Variants in DNAJC11 observed in about 807,000 individuals in gnomAD.
The protein encoded by DNAJC11 is DnaJ heat shock protein family (Hsp40) member C11.
DNAJC11 carries 15 observed loss-of-function variants against 78.6 expected under a neutral mutation model. The ratio of observed to expected loss-of-function variants is 0.19; its 90% confidence interval spans 0.13 to 0.29. The LOEUF is 0.29. Among genes scored for constraint, DNAJC11 ranks in the 10% least tolerant of loss-of-function variants. The pLI, the probability that DNAJC11 is intolerant of heterozygous loss-of-function variation, is 1.00. For synonymous variants in DNAJC11, 292 were observed against 272.1 expected (o/e 1.07, Z -0.72); for missense variants, 547 against 709.6 (o/e 0.77, Z 2.60).
chr1:6,667,610 T>C, intron 4 of DNAJC11, 99 bp downstream of exon 4: 3 of 989,866 alleles, frequency 3.0e-6, no homozygotes, highest in South Asian at 2.9e-5. Context: ...TGTATGTTTT[T>C]ACTTTAACAA....
chr1:6,636,075 C>T (rs1178783784), intron 15 of DNAJC11, 42 bp downstream of exon 15: 1 of 1,589,498 alleles, frequency 6.3e-7, no homozygotes. Context: ...TTCGAGGTCC[C>T]CGCCCCCGTT....
intron 4 of DNAJC11, among the ~76,000 whole-genome samples, chr1:6,663,961 T>C (rs1642256856): frequency 6.6e-6 from 1 of 152,210 alleles, no homozygotes; most frequent in Non-Finnish European, 1.5e-5. Context: ...CGCAGGGCCC[T>C]GGACACCAAG....
At chr1:6,652,696 G>T (rs1372147500) in intron 6 of DNAJC11, 133 bp downstream of exon 6, 29 of 1,225,134 alleles carry the variant, frequency 2.4e-5, no homozygotes, top group Non-Finnish European at 3.2e-5. Context: ...ACTTATGGAA[G>T]CTTGACACTT....
At position 6,638,397 on chromosome 1, in the gene DNAJC11, C is replaced by T. The variant is rs374928580; in HGVS notation, c.1254-33G>A. 62 of 1,600,300 alleles carry T rather than the reference C, an allele frequency of 3.9e-5. 2 individuals carry two copies. The highest frequency in any genetic ancestry group is 3.7e-4 in the Middle Eastern group (2 of 5,470). Reference sequence around the variant, plus strand: ...GAGAGGAACACAAGCCCCACGTTAGCGCGGCGCTGCCCAGCTTCCAGCCAA... The same window carrying T: ...GAGAGGAACACAAGCCCCACGTTAGTGCGGCGCTGCCCAGCTTCCAGCCAA... On this transcript the variant is annotated intron_variant, in intron 11 of 15. Coordinates refer to ENST00000377577, the MANE Select transcript of DNAJC11 (RefSeq NM_018198.4).
intron 3 of DNAJC11, among the ~76,000 whole-genome samples, chr1:6,670,124 T>G (rs187344405): frequency 6.6e-6 from 1 of 152,010 alleles, no homozygotes; most frequent in Non-Finnish European, 1.5e-5. Flanking sequence ...TGGTTAATTT[T>G]TTTTTTGTAT....
intron 6 of DNAJC11, among the ~76,000 whole-genome samples, chr1:6,652,016 C>T (rs1642064170): frequency 6.6e-6 from 1 of 152,092 alleles, no homozygotes; most frequent in African/African-American, 2.4e-5. Context: ...CATTTTCATC[C>T]TGCGCCAAAT....
At chr1:6,652,574 G>T (rs1177902548) in intron 6 of DNAJC11, among the ~76,000 whole-genome samples, 1 of 152,102 alleles carries the variant, frequency 6.6e-6, no homozygotes, top group African/African-American at 2.4e-5. Context: ...CAAGTAGCTG[G>T]GATTACAGGC....
chr1:6,683,502 G>C (rs1246370711), intron 1 of DNAJC11, among the ~76,000 whole-genome samples: 1 of 152,178 alleles, frequency 6.6e-6, no homozygotes, highest in East Asian at 1.9e-4. Flanking sequence ...GCCCCTTTCT[G>C]TTTCATCACC....
intron 10 of DNAJC11, among the ~76,000 whole-genome samples, chr1:6,643,518 G>C (rs1000801862): frequency 7.2e-5 from 11 of 151,798 alleles, no homozygotes; most frequent in Non-Finnish European, 1.2e-4. Context: ...CTCGTGATCT[G>C]CCCGCCTTGG....
intron 3 of DNAJC11, among the ~76,000 whole-genome samples, chr1:6,673,377 G>T (rs1171316014): frequency 1.3e-5 from 2 of 151,764 alleles, no homozygotes; most frequent in Non-Finnish European, 2.9e-5. Context: ...ATGGAAGGAG[G>T]ACAGACAGGA....
intron 1 of DNAJC11, among the ~76,000 whole-genome samples, chr1:6,687,496 A>AC (rs984898670): frequency 1.3e-4 from 19 of 151,680 alleles, no homozygotes; most frequent in African/African-American, 4.4e-4. Flanking sequence ...AGTTGGGACT[A>AC]CAGGTGCCCG....
intron 3 of DNAJC11, among the ~76,000 whole-genome samples, chr1:6,668,868 G>A (rs543665199): frequency 3.2e-4 from 49 of 152,200 alleles, no homozygotes; most frequent in East Asian, 2.1e-3. Flanking sequence ...ACTCGGGGAC[G>A]CAGAGTAATG....
chr1:6,661,354 G>C (rs1283798473), intron 4 of DNAJC11, among the ~76,000 whole-genome samples: 2 of 152,198 alleles, frequency 1.3e-5, no homozygotes, highest in South Asian at 2.1e-4. Flanking sequence ...ATGGAAGTCA[G>C]AGCCTGTCCT....
At chr1:6,672,384 C>A (rs183508278) in intron 3 of DNAJC11, among the ~76,000 whole-genome samples, 4 of 152,280 alleles carry the variant, frequency 2.6e-5, no homozygotes, top group African/African-American at 9.6e-5. Flanking sequence ...ACAAAGGCTG[C>A]AGCAGGAAAA....
chr1:6,665,739 C>T (rs569411954), intron 4 of DNAJC11, among the ~76,000 whole-genome samples: 4 of 152,192 alleles, frequency 2.6e-5, no homozygotes, highest in African/African-American at 4.8e-5. Context: ...TCATGGGACA[C>T]GGATGCAGGA....
chr1:6,690,379 C>T (rs1426003784), intron 1 of DNAJC11, among the ~76,000 whole-genome samples: 1 of 152,196 alleles, frequency 6.6e-6, no homozygotes, highest in Non-Finnish European at 1.5e-5. Context: ...CCCACAAAAG[C>T]TCTACGACAG....
intron 4 of DNAJC11, among the ~76,000 whole-genome samples, chr1:6,656,381 T>C (rs1642126447): frequency 6.6e-6 from 1 of 151,982 alleles, no homozygotes; most frequent in Non-Finnish European, 1.5e-5. Flanking sequence ...GCATCTAAAT[T>C]TGATAAAACA....
chr1:6,700,498 G>A (rs1209386713), intron 1 of DNAJC11, among the ~76,000 whole-genome samples: 3 of 152,186 alleles, frequency 2.0e-5, no homozygotes, highest in Admixed American at 2.0e-4. Flanking sequence ...CTCACAAGCT[G>A]GGCTCCAGAG....
chr1:6,651,175 C>T (rs1363104819), intron 7 of DNAJC11: 1 of 555,456 alleles, frequency 1.8e-6, no homozygotes, highest in Admixed American at 1.9e-5. Context: ...GGCAGTCTGT[C>T]ATTCTCTGGG....
Sources: allele counts gnomAD v4.1 joint callset (sites outside exome capture counted in the v4.1 genomes callset), GRCh38; gene constraint gnomAD v4.1.1; transcripts MANE v1.5; gene names NCBI Gene and HGNC (gene_info 2026-07-23, HGNC 2026-07-21).